UBE2E2: variants seen among roughly 807,000 people sequenced by gnomAD.
UBE2E2 encodes ubiquitin-conjugating enzyme E2 E2.
A neutral mutation model predicts 24.7 loss-of-function variants in UBE2E2; 6 were observed. The observed-to-expected ratio is 0.24, with a 90% CI of 0.13 to 0.48. The LOEUF (loss-of-function observed/expected upper bound fraction) is 0.48, where lower values mean the gene tolerates loss of function less well. Ranked by LOEUF, UBE2E2 falls within the 20% of genes least tolerant of loss-of-function variation. The pLI is 0.99. For synonymous variants in UBE2E2, 104 were observed against 83.6 expected (o/e 1.24, Z -1.33); for missense variants, 169 against 245.0 (o/e 0.69, Z 2.07).
At chr3:23,370,927 TA>T (rs1440271428) in intron 3 of UBE2E2, among the ~76,000 whole-genome samples, 18 of 152,340 alleles carry the variant, frequency 1.2e-4, no homozygotes, top group Non-Finnish European at 1.9e-4. Flanking sequence ...CTGTTGCTTA[TA>T]AAACTTGAAA....
chr3:23,452,299 T>C (rs1698577684), intron 3 of UBE2E2, among the ~76,000 whole-genome samples: 1 of 152,198 alleles, frequency 6.6e-6, no homozygotes, highest in Admixed American at 6.5e-5. Context: ...AGGAAGTTCT[T>C]TAAGAAAATG....
At chr3:23,357,085 C>G (rs1695977341) in intron 3 of UBE2E2, among the ~76,000 whole-genome samples, 1 of 152,160 alleles carries the variant, frequency 6.6e-6, no homozygotes, top group South Asian at 2.1e-4. Flanking sequence ...AATGCTTTGA[C>G]CTGGCTTAAG....
intron 3 of UBE2E2, among the ~76,000 whole-genome samples, chr3:23,366,595 A>G (rs1429786472): frequency 1.3e-5 from 2 of 152,176 alleles, no homozygotes; most frequent in African/African-American, 4.8e-5. Flanking sequence ...ATAAGGGTAC[A>G]ACAGACACCA....
intron 3 of UBE2E2, among the ~76,000 whole-genome samples, chr3:23,409,865 GTC>G (rs1697458492): frequency 6.6e-6 from 1 of 152,076 alleles, no homozygotes; most frequent in Non-Finnish European, 1.5e-5. Flanking sequence ...TCCAATCTCT[GTC>G]TCTGTCATCA....
At chr3:23,409,962 G>C (rs1697461623) in intron 3 of UBE2E2, among the ~76,000 whole-genome samples, 1 of 152,118 alleles carries the variant, frequency 6.6e-6, no homozygotes, top group South Asian at 2.1e-4. Flanking sequence ...ACTGGATGTA[G>C]AGCCCACTGT....
chr3:23,458,858 C>T (rs1038520758), intron 3 of UBE2E2, among the ~76,000 whole-genome samples: 2 of 152,120 alleles, frequency 1.3e-5, no homozygotes, highest in African/African-American at 4.8e-5. Context: ...CTGATTGTCA[C>T]ATATCTTCAA....
intron 3 of UBE2E2, among the ~76,000 whole-genome samples, chr3:23,289,225 A>G (rs1698696495): frequency 6.6e-6 from 1 of 152,252 alleles, no homozygotes; most frequent in Non-Finnish European, 1.5e-5. Context: ...GAGTTAACAA[A>G]TACGGCTAAA....
chr3:23,499,122 A>G (rs1665588890), intron 3 of UBE2E2, among the ~76,000 whole-genome samples: 1 of 152,210 alleles, frequency 6.6e-6, no homozygotes, highest in South Asian at 2.1e-4. Context: ...TGTATGGGTC[A>G]GGAAGTCCTT....
chr3:23,454,341 G>A (rs1219946181), intron 3 of UBE2E2, among the ~76,000 whole-genome samples: 2 of 152,100 alleles, frequency 1.3e-5, no homozygotes, highest in Non-Finnish European at 2.9e-5. Context: ...CTTTGAAAAA[G>A]AATGGTTTAT....
intron 5 of UBE2E2, among the ~76,000 whole-genome samples, chr3:23,571,680 G>C (rs1052923627): frequency 3.9e-5 from 6 of 152,064 alleles, no homozygotes; most frequent in Non-Finnish European, 8.8e-5. Flanking sequence ...GCTAGTCTAG[G>C]AGCAGGTCAG....
At chr3:23,445,635 C>G (rs1698411070) in intron 3 of UBE2E2, among the ~76,000 whole-genome samples, 1 of 152,174 alleles carries the variant, frequency 6.6e-6, no homozygotes, top group Admixed American at 6.5e-5. Context: ...GACAGTTGGT[C>G]ATGAAGGAGA....
At chr3:23,227,398 C>T (rs1178047210) in intron 3 of UBE2E2, among the ~76,000 whole-genome samples, 7 of 152,116 alleles carry the variant, frequency 4.6e-5, no homozygotes, top group South Asian at 2.1e-4. Context: ...TATTGGTAAA[C>T]GTACAATGTG....
At chr3:23,219,550 C>T (rs1016014710) in intron 3 of UBE2E2, among the ~76,000 whole-genome samples, 1 of 152,206 alleles carries the variant, frequency 6.6e-6, no homozygotes, top group Admixed American at 6.5e-5. Flanking sequence ...AAGTTCTGCA[C>T]TGCCTGCATT....
intron 3 of UBE2E2, among the ~76,000 whole-genome samples, chr3:23,488,346 T>C (rs1321679941): frequency 2.6e-5 from 4 of 152,148 alleles, no homozygotes; most frequent in Non-Finnish European, 5.9e-5. Context: ...CCAAATGTTA[T>C]TCCTCCGCTA....
intron 3 of UBE2E2, among the ~76,000 whole-genome samples, chr3:23,409,966 C>G (rs553072103): frequency 7.9e-5 from 12 of 152,114 alleles, no homozygotes; most frequent in Non-Finnish European, 1.8e-4. Flanking sequence ...GATGTAGAGC[C>G]CACTGTGATT....
intron 1 of UBE2E2, among the ~76,000 whole-genome samples, chr3:23,206,428 G>A (rs1346388608): frequency 1.3e-5 from 2 of 152,198 alleles, no homozygotes; most frequent in Non-Finnish European, 1.5e-5. Context: ...GTTCTATTAA[G>A]TGACTTTAGT....
chr3:23,486,690 A>G (rs1699380142), intron 3 of UBE2E2, among the ~76,000 whole-genome samples: 1 of 152,204 alleles, frequency 6.6e-6, no homozygotes, highest in African/African-American at 2.4e-5. Context: ...AACAGCTCTC[A>G]GGAGACTCAA....
intron 4 of UBE2E2, among the ~76,000 whole-genome samples, chr3:23,501,646 G>C (rs1225868738): frequency 6.6e-6 from 1 of 152,142 alleles, no homozygotes; most frequent in Non-Finnish European, 1.5e-5. Flanking sequence ...GTGTGGGTAG[G>C]GGTTGGACTT....
intron 3 of UBE2E2, among the ~76,000 whole-genome samples, chr3:23,245,683 T>C (rs1287431533): frequency 6.6e-6 from 1 of 152,218 alleles, no homozygotes; most frequent in Non-Finnish European, 1.5e-5. Context: ...AAGCCAATTT[T>C]GTTTAGTAAT....
Sources: gnomAD v4.1 joint callset for allele counts (sites outside exome capture counted in the v4.1 genomes callset) on GRCh38, gnomAD v4.1.1 for gene constraint, MANE v1.5 for transcripts, NCBI Gene and HGNC (gene_info 2026-07-23, HGNC 2026-07-21) for gene names.